Variants in HSD17B12 observed in about 807,000 individuals in gnomAD.
HSD17B12 encodes the protein very-long-chain 3-oxoacyl-CoA reductase.
Under a neutral mutation model 39.3 loss-of-function variants are expected in HSD17B12, and 32 were observed. The ratio of observed to expected loss-of-function variants is 0.81; its 90% CI spans 0.61 to 1.09. The LOEUF (loss-of-function observed/expected upper bound fraction) is 1.09, where lower values mean the gene tolerates loss of function less well. Among genes scored for constraint, HSD17B12 ranks in the 50% least tolerant of loss-of-function variants. The pLI, the probability that HSD17B12 is intolerant of heterozygous loss-of-function variation, is 0.00. For synonymous variants in HSD17B12, 150 were observed against 146.7 expected, an observed-to-expected ratio of 1.02 and a Z score of -0.16; for missense variants, 342 against 382.9, an observed-to-expected ratio of 0.89 and a Z score of 0.89.
intron 1 of HSD17B12, among the ~76,000 whole-genome samples, chr11:43,704,460 G>A (rs915377591): frequency 4.6e-5 from 7 of 152,146 alleles, no homozygotes; most frequent in African/African-American, 1.7e-4. Flanking sequence ...CTACTGAATG[G>A]GAGATGATTT....
chr11:43,659,500 A>C, the HSD17B12 span, among the ~76,000 whole-genome samples: 1 of 152,216 alleles, frequency 6.6e-6, no homozygotes, highest in Non-Finnish European at 1.5e-5. Context: ...TGGGAGCTGT[A>C]GACTGGAGCT....
At chr11:43,839,685 T>C (rs1951405979) in intron 8 of HSD17B12, among the ~76,000 whole-genome samples, 1 of 152,088 alleles carries the variant, frequency 6.6e-6, no homozygotes, top group African/African-American at 2.4e-5. Context: ...GAGTCTTTTG[T>C]TATATAAGAG....
intron 3 of HSD17B12, among the ~76,000 whole-genome samples, chr11:43,768,771 C>T (rs1321910956): frequency 6.6e-6 from 1 of 152,150 alleles, no homozygotes; most frequent in Non-Finnish European, 1.5e-5. Context: ...AGCGGGTTGC[C>T]GTGGCTGGCT....
intron 8 of HSD17B12, 66 bp from the exon 9 acceptor site, chr11:43,839,933 A>G (rs1048881248): frequency 6.4e-6 from 8 of 1,259,776 alleles, no homozygotes; most frequent in South Asian, 1.2e-5. Flanking sequence ...TTTTGTTTCC[A>G]TGGCTACAAA....
chr11:43,667,385 C>T, the HSD17B12 span, among the ~76,000 whole-genome samples: 2 of 152,284 alleles, frequency 1.3e-5, no homozygotes, highest in East Asian at 3.9e-4. Context: ...CTCCTGACCT[C>T]AAGTGATCCG....
At chr11:43,733,976 T>C (rs1950292775) in intron 1 of HSD17B12, 2 of 715,274 alleles carry the variant, frequency 2.8e-6, no homozygotes, top group Admixed American at 3.9e-5. Flanking sequence ...CTCGACCACG[T>C]AATGCTCCAG....
chr11:43,581,527 C>T, the HSD17B12 span: 6 of 460,206 alleles, frequency 1.3e-5, no homozygotes, highest in Admixed American at 1.4e-4. The surrounding 1 kb of genome is among the most constrained non-coding windows in gnomAD (Gnocchi z 4.9). Context: ...CGCCGAAGCC[C>T]GCACCTTCCC....
intron 3 of HSD17B12, among the ~76,000 whole-genome samples, chr11:43,757,667 A>AAAAC (rs869271362): frequency 2.5e-4 from 36 of 143,368 alleles, no homozygotes; most frequent in African/African-American, 8.7e-4. Flanking sequence ...AAAAAAAAAA[A>AAAAC]CAAATAGGTA....
chr11:43,648,671 C>T, the HSD17B12 span, among the ~76,000 whole-genome samples: 3 of 152,084 alleles, frequency 2.0e-5, no homozygotes, highest in African/African-American at 7.2e-5. Context: ...ATTTAGTAAA[C>T]CACTTTCTTG....
chr11:43,609,739 G>T, the HSD17B12 span, among the ~76,000 whole-genome samples: 21 of 152,278 alleles, frequency 1.4e-4, no homozygotes, highest in East Asian at 4.1e-3. Context: ...AAGAGCCATA[G>T]ATTCTAATCC....
chr11:43,728,402 T>C (rs190615195), intron 1 of HSD17B12, among the ~76,000 whole-genome samples: 2 of 152,150 alleles, frequency 1.3e-5, no homozygotes, highest in African/African-American at 4.8e-5. Context: ...TATAATTTTA[T>C]TTGAATTTTA....
At chr11:43,664,586 C>T in the HSD17B12 span, among the ~76,000 whole-genome samples, 2 of 152,166 alleles carry the variant, frequency 1.3e-5, no homozygotes, top group Non-Finnish European at 2.9e-5. Flanking sequence ...CTCTAACTTC[C>T]ATGGCTATTG....
chr11:43,754,803 T>C (rs1950495147), intron 3 of HSD17B12: 1 of 737,160 alleles, frequency 1.4e-6, no homozygotes, highest in East Asian at 2.5e-5. Flanking sequence ...ATAACACATA[T>C]GTGTTAGGAA....
the HSD17B12 span, among the ~76,000 whole-genome samples, chr11:43,623,396 G>GTT: frequency 7.2e-6 from 1 of 138,888 alleles, no homozygotes; most frequent in Non-Finnish European, 1.6e-5. Flanking sequence ...TGTTTTTTTT[G>GTT]TTTTTTTTTT....
At chr11:43,853,464 A>G (rs1177776049) in intron 9 of HSD17B12, 2 of 151,968 alleles carry the variant, frequency 1.3e-5, no homozygotes, top group East Asian at 3.9e-4. Flanking sequence ...TTTGACCACC[A>G]TGTGTTAGAA....
At chr11:43,643,266 AC>A in the HSD17B12 span, among the ~76,000 whole-genome samples, 3 of 152,142 alleles carry the variant, frequency 2.0e-5, no homozygotes, top group African/African-American at 7.2e-5. Flanking sequence ...TATTGAACTT[AC>A]ATTGATGATA....
chr11:43,748,659 TGGA>T (rs1413329677), intron 1 of HSD17B12, among the ~76,000 whole-genome samples: 1 of 152,194 alleles, frequency 6.6e-6, no homozygotes, highest in African/African-American at 2.4e-5. Flanking sequence ...ATCATGAGGT[TGGA>T]GGAGATTTTA....
At chr11:43,822,643 C>T (rs1176170779) in intron 6 of HSD17B12, among the ~76,000 whole-genome samples, 2 of 152,184 alleles carry the variant, frequency 1.3e-5, no homozygotes, top group African/African-American at 4.8e-5. Flanking sequence ...TCATCCATGT[C>T]CCTACACAGG....
chr11:43,801,785 G>A (rs1277881505), intron 4 of HSD17B12, among the ~76,000 whole-genome samples: 2 of 151,936 alleles, frequency 1.3e-5, no homozygotes, highest in East Asian at 3.9e-4. Flanking sequence ...AATGTAAAGA[G>A]AAAACTGAAG....
Sources: allele counts gnomAD v4.1 joint callset (sites outside exome capture counted in the v4.1 genomes callset), GRCh38; gene constraint gnomAD v4.1.1; non-coding constraint Gnocchi (gnomAD v3.1); transcripts MANE v1.5; gene names NCBI Gene and HGNC (gene_info 2026-07-23, HGNC 2026-07-21).